ECPAS: variants seen among roughly 807,000 people sequenced by gnomAD.
ECPAS encodes the protein proteasome adapter and scaffold protein ECM29.
Under a neutral mutation model 255.1 loss-of-function variants are expected in ECPAS, and 70 were observed. The observed-to-expected ratio is 0.27, with a 90% CI of 0.23 to 0.33. The LOEUF is 0.33. Among genes scored for constraint, ECPAS ranks in the 10% least tolerant of loss-of-function variants. The pLI is 1.00. For missense variants in ECPAS, 1,817 were observed against 2,206.4 expected (o/e 0.82, Z 3.54); for synonymous variants, 784 against 775.0 (o/e 1.01, Z -0.19).
chr9:111,448,606 T>C (rs1257347000), intron 3 of ECPAS, among the ~76,000 whole-genome samples: 2 of 152,228 alleles, frequency 1.3e-5, no homozygotes, highest in Admixed American at 1.3e-4. Context: ...AAGACATGAA[T>C]GCACAATGTT....
chr9:111,469,374 C>A (rs1053742138), intron 2 of ECPAS, among the ~76,000 whole-genome samples: 7 of 151,422 alleles, frequency 4.6e-5, no homozygotes, highest in Non-Finnish European at 8.8e-5. Context: ...CTATACTAAA[C>A]ATACAAAAAA....
intron 24 of ECPAS, among the ~76,000 whole-genome samples, chr9:111,408,286 T>G (rs180915801): frequency 6.6e-6 from 1 of 152,264 alleles, no homozygotes; most frequent in Non-Finnish European, 1.5e-5. Context: ...AGTGGCTCAC[T>G]CCACACATCT....
intron 2 of ECPAS, among the ~76,000 whole-genome samples, chr9:111,471,781 A>T (rs2098288531): frequency 6.6e-6 from 1 of 152,238 alleles, no homozygotes; most frequent in Admixed American, 6.5e-5. Flanking sequence ...ATTACCATGA[A>T]GATGCCTCCT....
intron 2 of ECPAS, among the ~76,000 whole-genome samples, chr9:111,464,750 G>A (rs1290418727): frequency 6.6e-6 from 1 of 151,944 alleles, no homozygotes; most frequent in Non-Finnish European, 1.5e-5. Flanking sequence ...ATACATCACA[G>A]TAATGACAAT....
At chr9:111,364,065 A>G (rs2098117320) in intron 48 of ECPAS, among the ~76,000 whole-genome samples, 1 of 152,222 alleles carries the variant, frequency 6.6e-6, no homozygotes, top group African/African-American at 2.4e-5. Flanking sequence ...TAAGCCGATC[A>G]GGGACACCTG....
At chr9:111,400,596 A>G (rs1038296749) in intron 24 of ECPAS, among the ~76,000 whole-genome samples, 5 of 152,278 alleles carry the variant, frequency 3.3e-5, no homozygotes, top group Admixed American at 2.0e-4. Flanking sequence ...AAAATGGGGG[A>G]AAAAAATCAA....
In ECPAS at chr9:111,410,319, A is replaced by C. The variant is rs961072507; in HGVS notation, c.2378-106T>G. 3 of 879,992 alleles carry C rather than the reference A, an allele frequency of 3.4e-6. No homozygotes were observed. In the East Asian group the frequency reaches 8.1e-5, roughly 24 times the overall value. 54.5% of individuals were successfully genotyped at this position (879,992 alleles called of 1,614,324 possible). A position where few individuals can be genotyped will look rare whatever the true frequency, so the allele number is the denominator to read the frequency against. ...TTTTTTAAGACGGCAAAATAAAATC[A>C]AAGTGTACGATATCTTCTAGTTGAC... On this transcript the variant is annotated intron_variant, in intron 22 of 49. Coordinates refer to ENST00000684092, the MANE Select transcript of ECPAS (RefSeq NM_001364929.1).
At chr9:111,380,344 T>G (rs1398544762) in intron 35 of ECPAS, among the ~76,000 whole-genome samples, 3 of 152,028 alleles carry the variant, frequency 2.0e-5, no homozygotes, top group Non-Finnish European at 2.9e-5. Context: ...TTGTTATTTT[T>G]TTGTTTGTTT....
intron 10 of ECPAS, among the ~76,000 whole-genome samples, chr9:111,426,200 G>C (rs1244667429): frequency 6.6e-6 from 1 of 152,136 alleles, no homozygotes; most frequent in African/African-American, 2.4e-5. Flanking sequence ...TATTCTACAA[G>C]TGTCCCATTG....
chr9:111,451,562 T>C lies in ECPAS; in HGVS notation c.23-7A>G, dbSNP rs1229933333. 7 of 1,533,668 alleles carry C rather than the reference T, an allele frequency of 4.6e-6. No homozygotes were observed. The highest frequency in any genetic ancestry group is 2.4e-5 in the East Asian group (1 of 42,282). ...AAGACCCGTTCAAGCTGATCTATAA[T>C]ATAAAAAGAAAAAAAGAGAGAACTT... On this transcript the variant is annotated splice_region_variant and splice_polypyrimidine_tract_variant and intron_variant, in intron 2 of 49. Transcript: ENST00000684092.
intron 1 of ECPAS, among the ~76,000 whole-genome samples, chr9:111,477,615 T>A (rs2098298070): frequency 6.6e-6 from 1 of 152,234 alleles, no homozygotes; most frequent in East Asian, 1.9e-4. Context: ...AGGGCAGAAT[T>A]AATACAAATT....
chr9:111,362,270 A>G (rs2098114489), intron 49 of ECPAS, 101 bp from the exon 50 acceptor site: 8 of 950,172 alleles, frequency 8.4e-6, no homozygotes, highest in Non-Finnish European at 1.2e-5. Flanking sequence ...AAAAATTTAA[A>G]AATATCCTAT....
At chr9:111,405,781 C>T (rs1474845601) in intron 24 of ECPAS, among the ~76,000 whole-genome samples, 1 of 149,540 alleles carries the variant, frequency 6.7e-6, no homozygotes, top group Non-Finnish European at 1.5e-5. Flanking sequence ...AATAGGTATA[C>T]AACAAAAAGT....
intron 42 of ECPAS, 135 bp from the exon 43 acceptor site, chr9:111,371,964 G>A: frequency 1.5e-6 from 1 of 674,618 alleles, no homozygotes; most frequent in Non-Finnish European, 2.5e-6. Context: ...CTCTCTCAAA[G>A]GGAGAGAAAG....
In ECPAS at chr9:111,363,978, G is replaced by A. The variant is rs551088135; in HGVS notation, c.5309-319C>T. Among the ~76,000 whole-genome samples the A allele has an allele frequency of 3.3e-5, 5 of 152,196 alleles. No individual in the cohort carries two copies. The East Asian group carries it at 5.8e-4, about 18-fold the overall frequency. On this transcript the variant is annotated intron_variant, in intron 48 of 49. Transcript: ENST00000684092. ...CTATCTCAAACACAAAATCATCTTC[G>A]TATCACGGATAAGAACGATCCTTAG...
intron 29 of ECPAS, among the ~76,000 whole-genome samples, chr9:111,390,356 C>T (rs2184012): frequency 0.99 from 151,023 of 152,310 alleles, 74,876 homozygotes; most frequent in Middle Eastern, 1. Flanking sequence ...TCCATAGCCA[C>T]GGTCCACTCA....
intron 22 of ECPAS, among the ~76,000 whole-genome samples, chr9:111,410,579 T>A (rs1182175824): frequency 6.6e-6 from 1 of 152,172 alleles, no homozygotes; most frequent in Non-Finnish European, 1.5e-5. Context: ...TGCAGTGGCA[T>A]GATCACAGCT....
intron 9 of ECPAS, 133 bp downstream of exon 9, chr9:111,430,414 C>A: frequency 1.5e-6 from 1 of 668,668 alleles, no homozygotes; most frequent in Non-Finnish European, 2.7e-6. Flanking sequence ...TCTAAACTAG[C>A]ATGACTTAAA....
intron 2 of ECPAS, among the ~76,000 whole-genome samples, chr9:111,452,197 A>G (rs1040119872): frequency 6.6e-6 from 1 of 152,166 alleles, no homozygotes; most frequent in Non-Finnish European, 1.5e-5. Context: ...AAACAACTAG[A>G]TATTTGATTT....
Sources: gnomAD v4.1 joint callset for allele counts (sites outside exome capture counted in the v4.1 genomes callset) on GRCh38, gnomAD v4.1.1 for gene constraint, MANE v1.5 for transcripts, NCBI Gene and HGNC (gene_info 2026-07-23, HGNC 2026-07-21) for gene names.